ELF2: variants seen among roughly 807,000 people sequenced by gnomAD.
The protein encoded by ELF2 is ETS-related transcription factor Elf-2.
A neutral mutation model predicts 54.8 loss-of-function variants in ELF2; 11 were observed. The ratio of observed to expected loss-of-function variants is 0.20; its 90% CI spans 0.13 to 0.33. ELF2 has a LOEUF of 0.33. Among genes scored for constraint, ELF2 ranks in the 10% least tolerant of loss-of-function variants. The probability of loss-of-function intolerance (pLI) is 1.00; values close to 1 mark genes in which losing one functional copy is unlikely to be tolerated. For missense variants in ELF2, 513 were observed against 703.0 expected, an observed-to-expected ratio of 0.73 and a Z score of 3.06; for synonymous variants, 203 against 245.1, an observed-to-expected ratio of 0.83 and a Z score of 1.61.
At chr4:139,095,938 C>G (rs1324751286) in intron 4 of ELF2, among the ~76,000 whole-genome samples, 1 of 152,054 alleles carries the variant, frequency 6.6e-6, no homozygotes, top group South Asian at 2.1e-4. Context: ...CAGTGAAACC[C>G]CGTCTCTACT....
intron 7 of ELF2, among the ~76,000 whole-genome samples, chr4:139,064,162 G>T (rs2148669361): frequency 6.6e-6 from 1 of 152,256 alleles, no homozygotes; most frequent in East Asian, 1.9e-4. Context: ...ACAAAAATTA[G>T]CCAGGCATGA....
intron 1 of ELF2, among the ~76,000 whole-genome samples, chr4:139,142,098 G>GA (rs1424730184): frequency 6.6e-6 from 1 of 151,984 alleles, no homozygotes; most frequent in Non-Finnish European, 1.5e-5. Context: ...AGAGGAGAGA[G>GA]AAAAAAATAA....
rs79671751 is a variant in ELF2 at position 139,129,807 on chromosome 4, G to A, written c.73-4478C>T. ...ACCTTTTCACATCACAATCAGAACT[G>A]TTTGTGTTACTTCCTTGCATAAAAA... On this transcript the variant is annotated intron_variant, in intron 3 of 9. Transcript: ENST00000686138. 6.5e-3 allele frequency among the ~76,000 whole-genome samples: 987 copies of A among 152,186 alleles called. 7 individuals carry two copies. The highest frequency in any genetic ancestry group is 9.8e-3 in the Non-Finnish European group (666 of 68,008).
intron 9 of ELF2, 143 bp from the exon 10 acceptor site, chr4:139,059,750 T>A: frequency 2.2e-6 from 2 of 914,670 alleles, no homozygotes; most frequent in South Asian, 3.4e-5. Flanking sequence ...TCCCTGATGT[T>A]TGACACAAAC....
At chr4:139,141,117 C>A (rs1190668827) in intron 1 of ELF2, among the ~76,000 whole-genome samples, 1 of 152,144 alleles carries the variant, frequency 6.6e-6, no homozygotes, top group Non-Finnish European at 1.5e-5. Context: ...GCAGGCTCAA[C>A]CCTCATTTTC....
intron 3 of ELF2, among the ~76,000 whole-genome samples, chr4:139,126,307 A>C (rs1030372705): frequency 6.6e-6 from 1 of 152,054 alleles, no homozygotes; most frequent in African/African-American, 2.4e-5. Flanking sequence ...CAACCAGTCC[A>C]GGAGGTCCAC....
chr4:139,121,220 T>C (rs986933249), intron 4 of ELF2, among the ~76,000 whole-genome samples: 17 of 146,460 alleles, frequency 1.2e-4, no homozygotes, highest in Non-Finnish European at 1.6e-4. Context: ...GCCATTCTCC[T>C]GCCTCAGCCT....
intron 4 of ELF2, among the ~76,000 whole-genome samples, chr4:139,114,642 C>CTTTTTTT (rs59282364): frequency 9.5e-6 from 1 of 104,850 alleles, no homozygotes; most frequent in East Asian, 2.9e-4. Context: ...TTTTTTCTTT[C>CTTTTTTT]TTTTTTTTTT....
chr4:139,162,670 A>G (rs935218075), intron 1 of ELF2, among the ~76,000 whole-genome samples: 1 of 152,220 alleles, frequency 6.6e-6, no homozygotes, highest in African/African-American at 2.4e-5. Context: ...GTTTCCAAAT[A>G]AGGAAAAATA....
Sources: allele counts gnomAD v4.1 joint callset (sites outside exome capture counted in the v4.1 genomes callset), GRCh38; gene constraint gnomAD v4.1.1; transcripts MANE v1.5; gene names NCBI Gene and HGNC (gene_info 2026-07-23, HGNC 2026-07-21).